The following FAM171A1 variants were observed in gnomAD, a reference collection of about 807,000 sequenced individuals.
FAM171A1 encodes the protein protein FAM171A1.
Under a neutral mutation model 74.9 loss-of-function variants are expected in FAM171A1, and 23 were observed. The ratio of observed to expected loss-of-function variants is 0.31; its 90% confidence interval spans 0.22 to 0.44. FAM171A1 has a LOEUF of 0.44. Ranked by LOEUF, FAM171A1 falls within the 20% of genes least tolerant of loss-of-function variation. FAM171A1 has a pLI of 1.00. For synonymous variants in FAM171A1, 527 were observed against 505.7 expected, an observed-to-expected ratio of 1.04 and a Z score of -0.57; for missense variants, 1,162 against 1,159.2, an observed-to-expected ratio of 1.00 and a Z score of -0.03.
chr10:15,326,656 C>T (rs1835558746), intron 1 of FAM171A1, among the ~76,000 whole-genome samples: 1 of 151,822 alleles, frequency 6.6e-6, no homozygotes, highest in Non-Finnish European at 1.5e-5. Context: ...AAGATGGAGT[C>T]TCACTCTGTT....
chr10:15,221,468 T>TAG (rs1834038973), intron 5 of FAM171A1, among the ~76,000 whole-genome samples: 1 of 152,192 alleles, frequency 6.6e-6, no homozygotes, highest in Non-Finnish European at 1.5e-5. Context: ...AAATTTTCTA[T>TAG]CCAGAGCTGC....
chr10:15,300,826 C>T (rs931927852), intron 1 of FAM171A1, among the ~76,000 whole-genome samples: 4 of 152,152 alleles, frequency 2.6e-5, no homozygotes, highest in African/African-American at 9.7e-5. Context: ...TTCCCACACA[C>T]TGCAGCTGTG....
intron 1 of FAM171A1, among the ~76,000 whole-genome samples, chr10:15,332,615 G>A (rs567070179): frequency 2.2e-4 from 34 of 152,312 alleles, no homozygotes; most frequent in Admixed American, 1.7e-3. Context: ...CTGTAATGAT[G>A]AGTGTCATGA....
At chr10:15,243,518 G>C (rs1369105891) in intron 5 of FAM171A1, among the ~76,000 whole-genome samples, 1 of 152,056 alleles carries the variant, frequency 6.6e-6, no homozygotes, top group Admixed American at 6.6e-5. Context: ...TCATACACCT[G>C]TGCCATATAG....
intron 5 of FAM171A1, among the ~76,000 whole-genome samples, chr10:15,230,195 T>C (rs1228596224): frequency 6.6e-6 from 1 of 152,260 alleles, no homozygotes; most frequent in East Asian, 1.9e-4. Flanking sequence ...GCAGAAACAG[T>C]GACAATTTCT....
rs544845480 is a variant in FAM171A1, at chr10:15,321,171, A to G, written c.98-37066T>C. 3.3e-5 allele frequency among the ~76,000 whole-genome samples: 5 copies of G among 152,352 alleles called. No individual in the cohort carries two copies. In the East Asian group the frequency reaches 9.6e-4, roughly 29 times the overall value. On this transcript the variant is annotated intron_variant, in intron 1 of 7. Coordinates refer to ENST00000378116, the MANE Select transcript of FAM171A1 (RefSeq NM_001010924.2). The stretch of plus-strand genomic sequence containing the variant: ...ACGGCATATGTTTTTTGGAATATTC[A>G]AAGCACAAATACTAGATGCTTTAAA...
chr10:15,236,212 C>T (rs185546102), intron 5 of FAM171A1, among the ~76,000 whole-genome samples: 10 of 151,036 alleles, frequency 6.6e-5, no homozygotes, highest in Admixed American at 6.6e-4. Flanking sequence ...AAATAGCAAC[C>T]TTGGGTGAGA....
chr10:15,216,581 C>G (rs1005354393), intron 6 of FAM171A1, among the ~76,000 whole-genome samples: 2 of 152,126 alleles, frequency 1.3e-5, no homozygotes, highest in African/African-American at 4.8e-5. Flanking sequence ...CAGGCACGCA[C>G]CACCACACCT....
intron 1 of FAM171A1, among the ~76,000 whole-genome samples, chr10:15,292,977 C>T (rs778277185): frequency 2.0e-5 from 3 of 152,134 alleles, no homozygotes; most frequent in Non-Finnish European, 2.9e-5. Flanking sequence ...CGATCCCAGC[C>T]TCACCCCAAA....
chr10:15,231,544 C>T (rs530181599), intron 5 of FAM171A1, among the ~76,000 whole-genome samples: 1 of 151,770 alleles, frequency 6.6e-6, no homozygotes, highest in African/African-American at 2.4e-5. Context: ...ATGCAGGTGC[C>T]GTTCATCAGC....
Position 15,322,287 on chromosome 10 carries a change from T to C in FAM171A1, c.98-38182A>G, listed in dbSNP as rs139162872. Among the ~76,000 whole-genome samples the C allele has an allele frequency of 4.6e-5, 7 of 152,358 alleles. No individual in the cohort carries two copies. In the East Asian group the frequency reaches 1.2e-3, roughly 25 times the overall value. On this transcript the variant is annotated intron_variant, in intron 1 of 7. Transcript: ENST00000378116. The stretch of plus-strand genomic sequence containing the variant: ...CGTCGGCTGCCAAGGGATTTCTACT[T>C]GGTTCATGACCAGGTTTTCTTTTCC...
At chr10:15,267,046 A>T (rs1834753253) in intron 3 of FAM171A1, among the ~76,000 whole-genome samples, 1 of 152,144 alleles carries the variant, frequency 6.6e-6, no homozygotes. Flanking sequence ...GGTGTGTTGG[A>T]GAGCAGAGAC....
chr10:15,234,657 C>CT (rs112414673), intron 5 of FAM171A1, among the ~76,000 whole-genome samples: 20,728 of 143,552 alleles, frequency 0.14, 1,482 homozygotes, highest in Middle Eastern at 0.17. Context: ...ATGTACTTTT[C>CT]TTTTTTTTTT....
chr10:15,334,221 A>T (rs949561532), intron 1 of FAM171A1, among the ~76,000 whole-genome samples: 4 of 152,220 alleles, frequency 2.6e-5, no homozygotes, highest in African/African-American at 9.6e-5. Flanking sequence ...TTCCCCTTTC[A>T]AATGAGAAAT....
chr10:15,348,403 G>A (rs1269727382), intron 1 of FAM171A1, among the ~76,000 whole-genome samples: 1 of 152,222 alleles, frequency 6.6e-6, no homozygotes, highest in African/African-American at 2.4e-5. Context: ...CTCCCAAAGT[G>A]CTGGGATTAC....
At chr10:15,345,894 G>A (rs1835812579) in intron 1 of FAM171A1, among the ~76,000 whole-genome samples, 1 of 152,214 alleles carries the variant, frequency 6.6e-6, no homozygotes, top group East Asian at 1.9e-4. Context: ...GGAGGCTCCA[G>A]TGTACAAGGA....
intron 1 of FAM171A1, among the ~76,000 whole-genome samples, chr10:15,288,398 A>G (rs1180720524): frequency 6.6e-6 from 1 of 151,986 alleles, no homozygotes; most frequent in Non-Finnish European, 1.5e-5. Flanking sequence ...ATTTTGGTGT[A>G]CCCATCACCC....
chr10:15,284,759 C>A (rs1007916497), intron 1 of FAM171A1, among the ~76,000 whole-genome samples: 1 of 152,200 alleles, frequency 6.6e-6, no homozygotes, highest in Admixed American at 6.5e-5. Flanking sequence ...AGTAAGGGCA[C>A]AGTGGGCCAT....
chr10:15,229,286 A>C (rs996874672), intron 5 of FAM171A1, among the ~76,000 whole-genome samples: 1 of 152,162 alleles, frequency 6.6e-6, no homozygotes, highest in Non-Finnish European at 1.5e-5. Flanking sequence ...CTGCCTAATC[A>C]CTAGCTTTCT....
Sources: allele counts gnomAD v4.1 joint callset (sites outside exome capture counted in the v4.1 genomes callset), GRCh38; gene constraint gnomAD v4.1.1; transcripts MANE v1.5; gene names NCBI Gene and HGNC (gene_info 2026-07-23, HGNC 2026-07-21).